KIRREL3: variants seen among roughly 807,000 people sequenced by gnomAD.
KIRREL3 encodes kin of IRRE-like protein 3.
Under a neutral mutation model 89.7 loss-of-function variants are expected in KIRREL3, and 36 were observed. That is an observed-to-expected ratio of 0.40 (90% CI 0.31 to 0.53). The LOEUF is 0.53. Ranked by LOEUF, KIRREL3 falls within the 20% of genes least tolerant of loss-of-function variation. The probability of loss-of-function intolerance (pLI) is 0.49; values close to 1 mark genes in which losing one functional copy is unlikely to be tolerated. For missense variants in KIRREL3, 864 were observed against 1,056.6 expected (o/e 0.82, Z 2.53); for synonymous variants, 445 against 441.4 (o/e 1.01, Z -0.10).
chr11:126,441,664 A>G lies in KIRREL3; in HGVS notation c.1253-1115T>C, dbSNP rs1350352853. On this transcript the variant is annotated intron_variant, in intron 10 of 16. Coordinates refer to ENST00000525144, the MANE Select transcript of KIRREL3 (RefSeq NM_032531.4). The surrounding 1 kb of genome is among the most constrained non-coding windows in gnomAD (Gnocchi z 5.0). ...CAGGAACAAAACAAAAATTGCTGCAAACATAATTGCTGTTTATTAGCCACC... is the reference window on the plus strand; with the variant it reads ...CAGGAACAAAACAAAAATTGCTGCAGACATAATTGCTGTTTATTAGCCACC... Among the ~76,000 whole-genome samples the G allele has an allele frequency of 1.3e-5, 2 of 152,256 alleles. No individual in the cohort carries two copies. Among genetic ancestry groups the G allele is most frequent in the Admixed American group, 1.3e-4 (2 of 15,290 alleles).
chr11:126,869,793 G>T (rs1170486634), intron 1 of KIRREL3, among the ~76,000 whole-genome samples: 2 of 152,164 alleles, frequency 1.3e-5, no homozygotes, highest in Non-Finnish European at 2.9e-5. Flanking sequence ...CAGAATAAGT[G>T]TTCGCTGAAT....
Position 126,520,690 on chromosome 11 carries a change from C to G in KIRREL3, c.433+625G>C, listed in dbSNP as rs1005857900. On this transcript the variant is annotated intron_variant, in intron 4 of 16. Transcript: ENST00000525144. The surrounding 1 kb of genome is among the most constrained non-coding windows in gnomAD (Gnocchi z 4.9). ...CTTCAGGCAAGATGATCCAGGAACG[C>G]TGGGCTCCTGGGAACATAAGATGAA... 5.3e-5 allele frequency among the ~76,000 whole-genome samples: 8 copies of G among 152,122 alleles called. No homozygotes were observed. The highest frequency in any genetic ancestry group is 1.9e-4 in the African/African-American group (8 of 41,410).
chr11:126,875,398 G>T (rs548376929), intron 1 of KIRREL3, among the ~76,000 whole-genome samples: 58 of 152,294 alleles, frequency 3.8e-4, no homozygotes, highest in Non-Finnish European at 6.5e-4. Context: ...GCTTTTAAGG[G>T]TAACCCATTA....
chr11:126,982,633 C>G (rs532717075), intron 1 of KIRREL3, among the ~76,000 whole-genome samples: 1 of 152,318 alleles, frequency 6.6e-6, no homozygotes, highest in South Asian at 2.1e-4. Context: ...ACCCATTCCC[C>G]CAGCCCAACA....
In KIRREL3 at chr11:126,989,185, G is replaced by A. The variant is rs1160502237; in HGVS notation, c.55+11270C>T. ...CATCAACTCTGCAGTTTGAAGTAAGGTTTTGCAAAACTTATGCAAAAAGTT... is the reference window on the plus strand; with the variant it reads ...CATCAACTCTGCAGTTTGAAGTAAGATTTTGCAAAACTTATGCAAAAAGTT... On this transcript the variant is annotated intron_variant, in intron 1 of 16. Coordinates refer to ENST00000525144, the MANE Select transcript of KIRREL3 (RefSeq NM_032531.4). This position sits in a 1 kb window ranked among gnomAD's most constrained non-coding sequence, Gnocchi z 6.2. Among the ~76,000 whole-genome samples, 18 of 152,150 alleles carry A rather than the reference G, an allele frequency of 1.2e-4. No individual in the cohort carries two copies. Among genetic ancestry groups the A allele is most frequent in the Admixed American group, 1.2e-3 (18 of 15,272 alleles).
rs1255031685 is a variant in KIRREL3 at position 126,490,759 on chromosome 11, TC to T, written c.434-17294del. ...TTCTTGTCTCTCCTCCCTCCTCGTC[TC>T]CCAAAGAATGGGTCTGCCTTCTTCA... On this transcript the variant is annotated intron_variant, in intron 4 of 16. Transcript: ENST00000525144. This position sits in a 1 kb window ranked among gnomAD's most constrained non-coding sequence, Gnocchi z 4.2. Among the ~76,000 whole-genome samples the T allele has an allele frequency of 6.6e-6, 1 of 152,168 alleles. No homozygotes were observed. Among genetic ancestry groups the T allele is most frequent in the Non-Finnish European group, 1.5e-5 (1 of 68,034 alleles).
Position 126,579,024 on chromosome 11 carries a change from C to T in KIRREL3, c.56-16112G>A, listed in dbSNP as rs1193521934. 6.6e-6 allele frequency among the ~76,000 whole-genome samples: 1 copy of T among 152,148 alleles called. No homozygotes were observed. Among genetic ancestry groups the T allele is most frequent in the Non-Finnish European group, 1.5e-5 (1 of 68,036 alleles). The stretch of plus-strand genomic sequence containing the variant: ...GTTTGAGGCCACACAGCAACAGAAC[C>T]AGACCTCGATCAAACCCAAAGCCCG... On this transcript the variant is annotated intron_variant, in intron 1 of 16. Transcript: ENST00000525144. This position sits in a 1 kb window ranked among gnomAD's most constrained non-coding sequence, Gnocchi z 5.3.
Position 126,515,197 on chromosome 11 carries a change from G to A in KIRREL3, c.433+6118C>T, listed in dbSNP as rs1260289234. Among the ~76,000 whole-genome samples, 1 of 152,178 alleles carries A rather than the reference G, an allele frequency of 6.6e-6. No homozygotes were observed. Among genetic ancestry groups the A allele is most frequent in the Non-Finnish European group, 1.5e-5 (1 of 68,032 alleles). On this transcript the variant is annotated intron_variant, in intron 4 of 16. Transcript: ENST00000525144. This position sits in a 1 kb window ranked among gnomAD's most constrained non-coding sequence, Gnocchi z 4.2. ...AGCATTTTAGGAGGCTGAGTTGGGTGGATCCCTTGAGCCCAGAAGTTCAAG... is the reference window on the plus strand; with the variant it reads ...AGCATTTTAGGAGGCTGAGTTGGGTAGATCCCTTGAGCCCAGAAGTTCAAG...
chr11:126,487,413 C>T (rs1371370904), intron 4 of KIRREL3, among the ~76,000 whole-genome samples: 1 of 152,148 alleles, frequency 6.6e-6, no homozygotes, highest in African/African-American at 2.4e-5. Context: ...TGGCAGTGTT[C>T]CAAGGAAGGA....
chr11:126,709,718 G>A lies in KIRREL3; in HGVS notation c.56-146806C>T, dbSNP rs1289584982. Reference sequence around the variant, plus strand: ...GGAGGCCTCGGGAGAAACCAACCCTGTAGACACCTCCATCTCAGACCTCCT... The same window carrying A: ...GGAGGCCTCGGGAGAAACCAACCCTATAGACACCTCCATCTCAGACCTCCT... On this transcript the variant is annotated intron_variant, in intron 1 of 16. Transcript: ENST00000525144. The surrounding 1 kb of genome is among the most constrained non-coding windows in gnomAD (Gnocchi z 4.0). 6.6e-6 allele frequency among the ~76,000 whole-genome samples: 1 copy of A among 152,180 alleles called. No individual in the cohort carries two copies. Among genetic ancestry groups the A allele is most frequent in the Non-Finnish European group, 1.5e-5 (1 of 68,028 alleles).
intron 16 of KIRREL3, 107 bp downstream of exon 16, chr11:126,425,531 T>C: frequency 2.8e-6 from 3 of 1,064,446 alleles, no homozygotes; most frequent in Non-Finnish European, 4.2e-6. Flanking sequence ...CCTCTGACCT[T>C]TTCTTCTCTG....
At position 126,622,367 on chromosome 11, in the gene KIRREL3, T is replaced by G. The variant is rs896114353; in HGVS notation, c.56-59455A>C. ...CTGGATTTGGGGTCATTCTCTTGCC[T>G]TGGAGTCTGGAGGGAGGAGAGGAGT... is the stretch of plus-strand genomic sequence containing the variant. On this transcript the variant is annotated intron_variant, in intron 1 of 16. Transcript: ENST00000525144. This position sits in a 1 kb window ranked among gnomAD's most constrained non-coding sequence, Gnocchi z 5.2. Among the ~76,000 whole-genome samples, 1 of 152,206 alleles carries G rather than the reference T, an allele frequency of 6.6e-6. No homozygotes were observed. Among genetic ancestry groups the G allele is most frequent in the African/African-American group, 2.4e-5 (1 of 41,446 alleles).
Position 126,778,248 on chromosome 11 carries a change from G to A in KIRREL3, c.56-215336C>T, listed in dbSNP as rs7930321. On this transcript the variant is annotated intron_variant, in intron 1 of 16. Coordinates refer to ENST00000525144, the MANE Select transcript of KIRREL3 (RefSeq NM_032531.4). This position sits in a 1 kb window ranked among gnomAD's most constrained non-coding sequence, Gnocchi z 4.5. The stretch of plus-strand genomic sequence containing the variant: ...AAAATGGGATCATATTATACACCTT[G>A]TTCTGTATCTTGCTTCTTCACTTAA... Among the ~76,000 whole-genome samples the A allele has an allele frequency of 5.6e-3, 858 of 152,166 alleles. 4 individuals carry two copies. Among genetic ancestry groups the A allele is most frequent in the Non-Finnish European group, 8.6e-3 (588 of 67,996 alleles).
At position 126,755,445 on chromosome 11, in the gene KIRREL3, A is replaced by AATCAAT. The variant is rs1242848316; in HGVS notation, c.56-192539_56-192534dup. Among the ~76,000 whole-genome samples the AATCAAT allele has an allele frequency of 6.6e-6, 1 of 152,206 alleles. No homozygotes were observed. The highest frequency in any genetic ancestry group is 1.5e-5 in the Non-Finnish European group (1 of 68,026). ...TAATTTTCAGCAGTCATGGGTGGAA[A>AATCAAT]ATCAATACTACTCTGATGCGAAATG... On this transcript the variant is annotated intron_variant, in intron 1 of 16. Transcript: ENST00000525144. The surrounding 1 kb of genome is among the most constrained non-coding windows in gnomAD (Gnocchi z 4.3).
chr11:126,559,237 C>G (rs1360493514), intron 2 of KIRREL3, among the ~76,000 whole-genome samples: 1 of 152,200 alleles, frequency 6.6e-6, no homozygotes, highest in Non-Finnish European at 1.5e-5. Flanking sequence ...GTGGACTGTT[C>G]CACATCTGTG....
intron 1 of KIRREL3, among the ~76,000 whole-genome samples, chr11:126,895,336 A>G (rs1367947986): frequency 2.6e-5 from 4 of 151,592 alleles, no homozygotes; most frequent in Middle Eastern, 3.2e-3. Flanking sequence ...GGTGGAGGGC[A>G]CCAGTAATCC....
At chr11:126,672,031 T>C (rs1450950841) in intron 1 of KIRREL3, among the ~76,000 whole-genome samples, 2 of 152,214 alleles carry the variant, frequency 1.3e-5, no homozygotes, top group South Asian at 2.1e-4. Flanking sequence ...AAAGATGTTC[T>C]CCAGTAGGTG....
chr11:126,534,057 C>T (rs974122672), intron 2 of KIRREL3, among the ~76,000 whole-genome samples: 2 of 152,166 alleles, frequency 1.3e-5, no homozygotes, highest in South Asian at 2.1e-4. Flanking sequence ...ATTGAAGAGA[C>T]AGTTTTCACT....
intron 1 of KIRREL3, among the ~76,000 whole-genome samples, chr11:126,855,778 C>G (rs1020781605): frequency 1.3e-5 from 2 of 152,154 alleles, no homozygotes; most frequent in African/African-American, 4.8e-5. Context: ...TTGACATGAC[C>G]AACCTATGAC....
Sources: gnomAD v4.1 joint callset for allele counts (sites outside exome capture counted in the v4.1 genomes callset) on GRCh38, gnomAD v4.1.1 for gene constraint, Gnocchi (gnomAD v3.1) non-coding constraint, MANE v1.5 for transcripts, NCBI Gene and HGNC (gene_info 2026-07-23, HGNC 2026-07-21) for gene names.